The following GRM1 variants were observed in gnomAD, a reference collection of about 807,000 sequenced individuals.
GRM1 encodes the protein metabotropic glutamate receptor 1.
Under a neutral mutation model 90.9 loss-of-function variants are expected in GRM1, and 33 were observed. The observed-to-expected ratio is 0.36, with a 90% CI of 0.28 to 0.49. GRM1 has a LOEUF of 0.49. Among genes scored for constraint, GRM1 ranks in the 20% least tolerant of loss-of-function variants. The probability of loss-of-function intolerance (pLI) is 0.99; values close to 1 mark genes in which losing one functional copy is unlikely to be tolerated. For missense variants in GRM1, 1,190 were observed against 1,534.3 expected, an observed-to-expected ratio of 0.78 and a Z score of 3.75; for synonymous variants, 700 against 613.2, an observed-to-expected ratio of 1.14 and a Z score of -2.09.
At chr6:146,426,568 G>A (rs754447922) in intron 7 of GRM1, 2 of 1,612,448 alleles carry the variant, frequency 1.2e-6, no homozygotes, top group African/African-American at 1.3e-5. Flanking sequence ...GGAAGAGGCA[G>A]CCAGAATTCT....
At chr6:146,380,999 AG>A (rs769666337) in intron 5 of GRM1, among the ~76,000 whole-genome samples, 8 of 152,152 alleles carry the variant, frequency 5.3e-5, no homozygotes, top group Non-Finnish European at 1.0e-4. Context: ...CCTAGATGCA[AG>A]ACAATGTCCT....
chr6:146,418,437 G>A (rs1353552280), intron 7 of GRM1, among the ~76,000 whole-genome samples: 1 of 151,466 alleles, frequency 6.6e-6, no homozygotes, highest in East Asian at 1.9e-4. Flanking sequence ...GGAAGCACAA[G>A]GAAGCTAATA....
chr6:146,370,974 G>C (rs1775876438), intron 5 of GRM1, among the ~76,000 whole-genome samples: 1 of 152,032 alleles, frequency 6.6e-6, no homozygotes, highest in Non-Finnish European at 1.5e-5. Context: ...GTCCTACATT[G>C]TATGATATGT....
intron 7 of GRM1, among the ~76,000 whole-genome samples, chr6:146,424,420 G>A (rs553712453): frequency 2.5e-4 from 38 of 152,350 alleles, no homozygotes; most frequent in African/African-American, 7.9e-4. Context: ...GGACCCAGGG[G>A]ACAAGAGTCC....
intron 1 of GRM1, among the ~76,000 whole-genome samples, chr6:146,109,417 T>C (rs1043989026): frequency 6.6e-6 from 1 of 152,186 alleles, no homozygotes; most frequent in African/African-American, 2.4e-5. Context: ...CCTGGTGTTT[T>C]GTTGAGCCTG....
chr6:146,371,791 G>T (rs544131893), intron 5 of GRM1, among the ~76,000 whole-genome samples: 1 of 152,132 alleles, frequency 6.6e-6, no homozygotes, highest in Admixed American at 6.6e-5. Flanking sequence ...GCAAATGACT[G>T]GATCTCATTC....
chr6:146,256,186 T>C (rs1053090340), intron 2 of GRM1, among the ~76,000 whole-genome samples: 2 of 152,174 alleles, frequency 1.3e-5, no homozygotes, highest in African/African-American at 4.8e-5. Flanking sequence ...GTCCTACCCT[T>C]CTCAGCACTG....
rs1248398283 is a variant in GRM1 at position 146,434,837 on chromosome 6, T to C, written c.*41T>C. ...ATAGAAAAGCAAGACAAGCCAGAGA[T>C]CTCCCACACCTCCAGAGATGTGCAA... On this transcript the variant is annotated 3_prime_UTR_variant, in exon 8 of 8. Coordinates refer to ENST00000282753, the MANE Select transcript of GRM1 (RefSeq NM_001278064.2). The C allele has an allele frequency of 6.6e-7, 1 of 1,509,476 alleles. No individual in the cohort carries two copies. The highest frequency in any genetic ancestry group is 2.3e-5 in the East Asian group (1 of 44,404). The allele number at this position is 1,509,476 out of a possible 1,614,324, so 93.5% of individuals were successfully genotyped here. A position where few individuals can be genotyped will look rare whatever the true frequency, so the allele number is the denominator to read the frequency against.
chr6:146,426,607 T>C (rs1037486311), intron 7 of GRM1: 3 of 1,603,310 alleles, frequency 1.9e-6, no homozygotes, highest in South Asian at 1.1e-5. Context: ...CGTCGGCACA[T>C]GTGCAGCTTT....
intron 2 of GRM1, among the ~76,000 whole-genome samples, chr6:146,254,890 A>C (rs1225042398): frequency 6.6e-6 from 1 of 152,226 alleles, no homozygotes; most frequent in Non-Finnish European, 1.5e-5. Flanking sequence ...CTGAATGACC[A>C]AGATATCTGC....
chr6:146,393,898 G>A (rs1776828071), intron 6 of GRM1, among the ~76,000 whole-genome samples: 1 of 152,086 alleles, frequency 6.6e-6, no homozygotes, highest in Non-Finnish European at 1.5e-5. Flanking sequence ...AAACAACTTG[G>A]TACTGGTACC....
chr6:146,388,132 T>C (rs1776575883), intron 6 of GRM1, among the ~76,000 whole-genome samples: 1 of 152,088 alleles, frequency 6.6e-6, no homozygotes, highest in African/African-American at 2.4e-5. Context: ...TCATAAAACT[T>C]TGCATAAATT....
chr6:146,311,012 AG>A (rs1783752564), intron 3 of GRM1, among the ~76,000 whole-genome samples: 1 of 152,234 alleles, frequency 6.6e-6, no homozygotes, highest in African/African-American at 2.4e-5. Flanking sequence ...AGGTATTCAT[AG>A]CTTTGTAATC....
At chr6:146,188,091 T>A (rs911976472) in intron 2 of GRM1, among the ~76,000 whole-genome samples, 2 of 150,518 alleles carry the variant, frequency 1.3e-5, no homozygotes, top group African/African-American at 5.0e-5. Flanking sequence ...AAAGGATTAA[T>A]TTTTCTCTTA....
chr6:146,280,674 A>G (rs1370737680), intron 2 of GRM1, among the ~76,000 whole-genome samples: 2 of 152,158 alleles, frequency 1.3e-5, no homozygotes, highest in Non-Finnish European at 1.5e-5. Context: ...GCAGGAGTGC[A>G]GTGGCATGAT....
intron 1 of GRM1, among the ~76,000 whole-genome samples, chr6:146,082,968 A>G (rs1397625555): frequency 6.6e-6 from 1 of 152,132 alleles, no homozygotes; most frequent in Non-Finnish European, 1.5e-5. Context: ...TGTTAGCTGT[A>G]TTCCTAGGTC....
rs1270890693 is a variant in GRM1 at position 146,435,921 on chromosome 6, C to G, written c.*1125C>G. 1 of 152,626 alleles carries G rather than the reference C, an allele frequency of 6.6e-6. No homozygotes were observed. The highest frequency in any genetic ancestry group is 1.5e-5 in the Non-Finnish European group (1 of 68,036). The allele number at this position is 152,626 out of a possible 1,614,324, so 9.5% of individuals were successfully genotyped here. ...TAGAGAAACAAATCCATCTTTGAAT[C>G]TAATGGTGTACTCATAGCAACTATT... On this transcript the variant is annotated 3_prime_UTR_variant, in exon 8 of 8. Transcript: ENST00000282753.
intron 6 of GRM1, among the ~76,000 whole-genome samples, chr6:146,393,539 C>T (rs902141178): frequency 5.3e-5 from 8 of 152,022 alleles, no homozygotes; most frequent in African/African-American, 1.9e-4. Flanking sequence ...TTAATTAGAT[C>T]CCACTTGTCA....
In GRM1 at chr6:146,030,067, G is replaced by A; in HGVS notation, c.550G>A (p.Ala184Thr). 2 of 1,614,114 alleles carry A rather than the reference G, an allele frequency of 1.2e-6. No individual in the cohort carries two copies. Among genetic ancestry groups the A allele is most frequent in the Non-Finnish European group, 1.7e-6 (2 of 1,180,022 alleles). The change falls in exon 1 of 8, where the codon GCT becomes ACT. Residue 184 changes from alanine (A) to threonine (T), a missense_variant. Coordinates refer to ENST00000282753, the MANE Select transcript of GRM1 (RefSeq NM_001278064.2). ...LLQLFDIPQI[A>T]YSATSIDLSD... ...CCAGCTCTTCGACATCCCCCAGATCGCTTATTCAGCCACAAGCATCGACCT... is the reference window on the plus strand; with the variant it reads ...CCAGCTCTTCGACATCCCCCAGATCACTTATTCAGCCACAAGCATCGACCT...
Sources: allele counts gnomAD v4.1 joint callset (sites outside exome capture counted in the v4.1 genomes callset), GRCh38; gene constraint gnomAD v4.1.1; transcripts MANE v1.5; gene names NCBI Gene and HGNC (gene_info 2026-07-23, HGNC 2026-07-21).